FCHSD2: variants seen among roughly 807,000 people sequenced by gnomAD.
The protein encoded by FCHSD2 is FCH and double SH3 domains 2, also known as F-BAR and double SH3 domains protein 2.
In FCHSD2, 38 loss-of-function variants were observed where a neutral mutation model predicts 108.1. The ratio of observed to expected loss-of-function variants is 0.35; its 90% confidence interval spans 0.27 to 0.46. The LOEUF (loss-of-function observed/expected upper bound fraction) is 0.46. FCHSD2 is among the 20% of genes least tolerant of loss of function. The pLI is 1.00. For missense variants in FCHSD2, 751 were observed against 897.8 expected (o/e 0.84, Z 2.09); for synonymous variants, 279 against 314.7 (o/e 0.89, Z 1.20).
intron 12 of FCHSD2, among the ~76,000 whole-genome samples, chr11:72,870,696 C>T (rs1217135642): frequency 1.3e-5 from 2 of 151,668 alleles, no homozygotes; most frequent in East Asian, 1.9e-4. Context: ...GTCAGGAGAT[C>T]GATACCATCC....
At chr11:73,018,396 A>C (rs551354341) in intron 3 of FCHSD2, among the ~76,000 whole-genome samples, 1 of 152,300 alleles carries the variant, frequency 6.6e-6, no homozygotes, top group Admixed American at 6.5e-5. Flanking sequence ...CTGTATGCAA[A>C]GTATCTTCGC....
At chr11:72,892,558 T>C (rs571979419) in intron 10 of FCHSD2, among the ~76,000 whole-genome samples, 1 of 152,290 alleles carries the variant, frequency 6.6e-6, no homozygotes, top group African/African-American at 2.4e-5. Context: ...AAGATCAATA[T>C]AAATCAGGAT....
At position 73,108,081 on chromosome 11, in the gene FCHSD2, ACTGT is replaced by A. The variant is rs200261651; in HGVS notation, c.120-24345_120-24342del. On this transcript the variant is annotated intron_variant, in intron 2 of 19. Coordinates refer to ENST00000409418, the MANE Select transcript of FCHSD2 (RefSeq NM_014824.3). ...CTCCACATCCTTGCCGGTGTTTGTT[ACTGT>A]CTGTCTTTTGGATAAACGCCATTTG... 8.0e-3 allele frequency among the ~76,000 whole-genome samples: 1,219 copies of A among 152,236 alleles called. 18 individuals are homozygous for A. The highest frequency in any genetic ancestry group is 0.027 in the African/African-American group (1,130 of 41,518).
intron 3 of FCHSD2, among the ~76,000 whole-genome samples, chr11:73,063,744 C>T (rs1287871967): frequency 6.6e-6 from 1 of 152,142 alleles, no homozygotes; most frequent in Non-Finnish European, 1.5e-5. Context: ...AGCTAACTAT[C>T]CTAAATATAC....
chr11:72,887,340 T>C (rs1855218676), intron 12 of FCHSD2, 130 bp downstream of exon 12: 16 of 634,836 alleles, frequency 2.5e-5, no homozygotes, highest in Non-Finnish European at 4.1e-5. Context: ...AATACTACTG[T>C]GGACACGAAT....
intron 2 of FCHSD2, among the ~76,000 whole-genome samples, chr11:73,130,719 C>G (rs1278594122): frequency 6.6e-6 from 1 of 152,226 alleles, no homozygotes; most frequent in Non-Finnish European, 1.5e-5. Context: ...CCCTCTCAAA[C>G]TATATTTCCT....
At chr11:73,115,183 T>G (rs2135550853) in intron 2 of FCHSD2, among the ~76,000 whole-genome samples, 1 of 152,266 alleles carries the variant, frequency 6.6e-6, no homozygotes, top group Non-Finnish European at 1.5e-5. Context: ...TTTAGCCCAG[T>G]TTTGCTTTCC....
chr11:72,931,307 A>G (rs1021525684), intron 8 of FCHSD2, among the ~76,000 whole-genome samples: 2 of 141,340 alleles, frequency 1.4e-5, no homozygotes, highest in African/African-American at 2.6e-5. Context: ...AGGTTTCACC[A>G]TGTTGGTCAG....
intron 8 of FCHSD2, chr11:72,940,688 T>C (rs1381698423): frequency 8.9e-7 from 1 of 1,126,714 alleles, no homozygotes; most frequent in Non-Finnish European, 1.3e-6. Flanking sequence ...ATATATAGGA[T>C]TCATGTTCAC....
chr11:72,971,592 G>A lies in FCHSD2; in HGVS notation c.705+12496C>T, dbSNP rs1442182395. On this transcript the variant is annotated intron_variant, in intron 8 of 19. Coordinates refer to ENST00000409418, the MANE Select transcript of FCHSD2 (RefSeq NM_014824.3). Reference sequence around the variant, plus strand: ...TACAAAGGACCTGAGAGCACCTCTAGGAGCTGAGAATGACCCCAGCCTACA... The same window carrying A: ...TACAAAGGACCTGAGAGCACCTCTAAGAGCTGAGAATGACCCCAGCCTACA... Among the ~76,000 whole-genome samples the A allele has an allele frequency of 2.0e-5, 3 of 152,166 alleles. No homozygotes were observed. The East Asian group carries it at 5.8e-4, about 29-fold the overall frequency.
chr11:73,051,029 A>G (rs1333064467), intron 3 of FCHSD2, among the ~76,000 whole-genome samples: 1 of 152,208 alleles, frequency 6.6e-6, no homozygotes, highest in Non-Finnish European at 1.5e-5. Flanking sequence ...ATATTTTAAA[A>G]ATCTTGCTGG....
chr11:72,988,943 C>A, intron 6 of FCHSD2, 21 bp downstream of exon 6: 1 of 1,586,292 alleles, frequency 6.3e-7, no homozygotes, highest in Admixed American at 1.8e-5. Context: ...ATAATTTTCT[C>A]AGAAATGTTA....
chr11:72,971,067 C>T (rs1347035052), intron 8 of FCHSD2, among the ~76,000 whole-genome samples: 1 of 152,170 alleles, frequency 6.6e-6, no homozygotes, highest in East Asian at 1.9e-4. Flanking sequence ...CTACTGACCC[C>T]CCTGCCCAAA....
chr11:73,084,637 T>G (rs1345355134), intron 2 of FCHSD2, among the ~76,000 whole-genome samples: 1 of 152,204 alleles, frequency 6.6e-6, no homozygotes, highest in Non-Finnish European at 1.5e-5. Flanking sequence ...AAAGCAATCC[T>G]CCTGCCTTGG....
At chr11:72,926,089 G>A (rs1313519433) in intron 8 of FCHSD2, among the ~76,000 whole-genome samples, 1 of 152,192 alleles carries the variant, frequency 6.6e-6, no homozygotes, top group East Asian at 1.9e-4. Context: ...AGTGGGGTTG[G>A]GGCTGAGCCC....
At chr11:72,877,130 G>T (rs889607801) in intron 12 of FCHSD2, among the ~76,000 whole-genome samples, 3 of 151,954 alleles carry the variant, frequency 2.0e-5, no homozygotes, top group African/African-American at 7.3e-5. Context: ...GGGACTACAG[G>T]CGTGCACCAC....
At chr11:72,899,363 T>A (rs1023969992) in intron 10 of FCHSD2, among the ~76,000 whole-genome samples, 2 of 152,098 alleles carry the variant, frequency 1.3e-5, no homozygotes, top group African/African-American at 4.8e-5. Flanking sequence ...AAAGAAGATA[T>A]ATGAGTGGCT....
chr11:73,089,598 G>T (rs1335575595), intron 2 of FCHSD2, among the ~76,000 whole-genome samples: 1 of 152,148 alleles, frequency 6.6e-6, no homozygotes, highest in Non-Finnish European at 1.5e-5. Context: ...ATGTTATTCA[G>T]CCATAAGAAA....
intron 12 of FCHSD2, among the ~76,000 whole-genome samples, chr11:72,878,526 A>G (rs1855015797): frequency 6.6e-6 from 1 of 152,230 alleles, no homozygotes; most frequent in Non-Finnish European, 1.5e-5. Context: ...CAGGAAAAAT[A>G]TAAGGTGAAC....
Sources: gnomAD v4.1 joint callset for allele counts (sites outside exome capture counted in the v4.1 genomes callset) on GRCh38, gnomAD v4.1.1 for gene constraint, MANE v1.5 for transcripts, NCBI Gene and HGNC (gene_info 2026-07-23, HGNC 2026-07-21) for gene names.